MAML3: variants seen among roughly 807,000 people sequenced by gnomAD.
MAML3 encodes mastermind-like protein 3.
A neutral mutation model predicts 101.9 loss-of-function variants in MAML3; 27 were observed. That is an observed-to-expected ratio of 0.27 (90% CI 0.20 to 0.37). The LOEUF is 0.37. Ranked by LOEUF, MAML3 falls within the 10% of genes least tolerant of loss-of-function variation. The pLI, the probability that MAML3 is intolerant of heterozygous loss-of-function variation, is 1.00. For synonymous variants in MAML3, 501 were observed against 555.9 expected (o/e 0.90, Z 1.39); for missense variants, 1,316 against 1,444.9 (o/e 0.91, Z 1.45).
chr4:139,943,863 A>ATTTTTTTTTTTTTTTTTT (rs1560844242), intron 1 of MAML3, among the ~76,000 whole-genome samples: 5 of 75,594 alleles, frequency 6.6e-5, no homozygotes, highest in South Asian at 3.8e-4. Flanking sequence ...CCTAAAGACA[A>ATTTTTTTTTTTTTTTTTT]CTTTTTTTTT....
intron 1 of MAML3, among the ~76,000 whole-genome samples, chr4:139,965,631 A>C (rs537072683): frequency 3.9e-5 from 6 of 152,364 alleles, no homozygotes; most frequent in Non-Finnish European, 7.3e-5. Flanking sequence ...ATGCACACTT[A>C]ACATATATAA....
At chr4:140,074,694 T>C (rs921424030) in intron 1 of MAML3, among the ~76,000 whole-genome samples, 19 of 152,184 alleles carry the variant, frequency 1.2e-4, no homozygotes, top group African/African-American at 4.6e-4. Flanking sequence ...TAAGTACTTA[T>C]GTGTGTAAGT....
At chr4:139,900,547 T>C (rs1170340439) in intron 1 of MAML3, among the ~76,000 whole-genome samples, 1 of 152,236 alleles carries the variant, frequency 6.6e-6, no homozygotes, top group Non-Finnish European at 1.5e-5. Flanking sequence ...CCCAGTGGAA[T>C]GAATAAATTA....
intron 2 of MAML3, among the ~76,000 whole-genome samples, chr4:139,871,889 CTACT>C (rs1344466582): frequency 6.6e-6 from 1 of 152,188 alleles, no homozygotes; most frequent in Non-Finnish European, 1.5e-5. Flanking sequence ...TCGGTTGTAA[CTACT>C]TGTTACATTA....
chr4:139,882,493 A>G (rs1177836905), intron 2 of MAML3, among the ~76,000 whole-genome samples: 2 of 152,208 alleles, frequency 1.3e-5, no homozygotes, highest in African/African-American at 4.8e-5. Context: ...ACTTAATAGT[A>G]GGGAAGTCAG....
intron 2 of MAML3, among the ~76,000 whole-genome samples, chr4:139,818,671 C>T (rs147385871): frequency 2.2e-4 from 33 of 152,298 alleles, no homozygotes; most frequent in African/African-American, 6.7e-4. Context: ...TTACAAAAGA[C>T]ACTAGTGCCT....
chr4:140,068,469 G>A (rs1360631246), intron 1 of MAML3, among the ~76,000 whole-genome samples: 5 of 152,118 alleles, frequency 3.3e-5, no homozygotes. Context: ...CTCTACCTAG[G>A]CACTTTTCAG....
In MAML3 at chr4:139,892,034, G is replaced by T. The variant is rs369265331; in HGVS notation, c.469-1067C>A. Among the ~76,000 whole-genome samples the T allele has an allele frequency of 1.2e-4, 18 of 151,954 alleles. No individual in the cohort carries two copies. In the East Asian group the frequency reaches 1.9e-3, roughly 16 times the overall value. The stretch of plus-strand genomic sequence containing the variant: ...ACATTCTTTCTTAGACAACTTCATC[G>T]ATTACAACAGCTTCAACTATCTTCT... On this transcript the variant is annotated intron_variant, in intron 1 of 4. Transcript: ENST00000509479.
chr4:139,767,226 T>C (rs1553955113), intron 2 of MAML3, among the ~76,000 whole-genome samples: 1 of 152,206 alleles, frequency 6.6e-6, no homozygotes, highest in Non-Finnish European at 1.5e-5. Context: ...CGGAATCTCT[T>C]TTGGTGGCAC....
At chr4:140,042,352 C>T (rs1338890997) in intron 1 of MAML3, among the ~76,000 whole-genome samples, 2 of 152,138 alleles carry the variant, frequency 1.3e-5, no homozygotes, top group Non-Finnish European at 2.9e-5. Flanking sequence ...AAACACACCC[C>T]ACTCTGAGGG....
intron 1 of MAML3, among the ~76,000 whole-genome samples, chr4:140,009,809 T>C (rs1726517831): frequency 6.6e-6 from 1 of 152,238 alleles, no homozygotes; most frequent in South Asian, 2.1e-4. Context: ...TTCATAAGAA[T>C]CTGGGAAGGT....
chr4:139,759,735 TA>T (rs573525085), intron 2 of MAML3, among the ~76,000 whole-genome samples: 304 of 152,312 alleles, frequency 2.0e-3, no homozygotes, highest in African/African-American at 7.0e-3. Flanking sequence ...AAGATAAAAA[TA>T]TTTTTTTGCA....
At chr4:139,831,428 T>C (rs1731160290) in intron 2 of MAML3, among the ~76,000 whole-genome samples, 1 of 152,124 alleles carries the variant, frequency 6.6e-6, no homozygotes, top group Non-Finnish European at 1.5e-5. Flanking sequence ...AAACCCAAGA[T>C]CCCAGTTAGA....
chr4:140,083,077 C>T (rs1239829508), intron 1 of MAML3, among the ~76,000 whole-genome samples: 2 of 152,096 alleles, frequency 1.3e-5, no homozygotes, highest in East Asian at 3.9e-4. Context: ...TTCATGTTTA[C>T]AACAAATCTA....
chr4:139,942,640 T>A (rs1253713571), intron 1 of MAML3, among the ~76,000 whole-genome samples: 1 of 152,124 alleles, frequency 6.6e-6, no homozygotes, highest in African/African-American at 2.4e-5. Flanking sequence ...TACTTTTTTT[T>A]TTTTTGCCAA....
intron 1 of MAML3, among the ~76,000 whole-genome samples, chr4:139,892,707 C>T (rs1176852877): frequency 1.3e-5 from 2 of 151,748 alleles, no homozygotes; most frequent in African/African-American, 4.8e-5. Context: ...CGGTGGCTCA[C>T]GCGGTCAGGA....
chr4:140,088,776 T>C (rs990762182), intron 1 of MAML3, among the ~76,000 whole-genome samples: 5 of 152,182 alleles, frequency 3.3e-5, no homozygotes, highest in African/African-American at 9.7e-5. Flanking sequence ...AGCAAGACTC[T>C]AAGAGTACTC....
At chr4:140,089,585 GATAT>G (rs906223751) in intron 1 of MAML3, among the ~76,000 whole-genome samples, 2 of 152,162 alleles carry the variant, frequency 1.3e-5, no homozygotes, top group African/African-American at 4.8e-5. Context: ...GCTTTTTACT[GATAT>G]ATATAACAGC....
chr4:139,764,759 T>C (rs1729822728), intron 2 of MAML3, among the ~76,000 whole-genome samples: 1 of 152,246 alleles, frequency 6.6e-6, no homozygotes, highest in Non-Finnish European at 1.5e-5. Context: ...TGTTCTCTTT[T>C]GTGGGATGGT....
Sources: allele counts gnomAD v4.1 joint callset (sites outside exome capture counted in the v4.1 genomes callset), GRCh38; gene constraint gnomAD v4.1.1; transcripts MANE v1.5; gene names NCBI Gene and HGNC (gene_info 2026-07-23, HGNC 2026-07-21).